The following HEATR1 variants were observed in gnomAD, a reference collection of about 807,000 sequenced individuals.
HEATR1 encodes HEAT repeat containing 1, also known as HEAT repeat-containing protein 1.
Under a neutral mutation model 248.2 loss-of-function variants are expected in HEATR1, and 77 were observed. That is an observed-to-expected ratio of 0.31 (90% CI 0.26 to 0.37). The LOEUF (loss-of-function observed/expected upper bound fraction) is 0.37, where lower values mean the gene tolerates loss of function less well. Ranked by LOEUF, HEATR1 falls within the 10% of genes least tolerant of loss-of-function variation. The probability of loss-of-function intolerance (pLI) is 1.00; values close to 1 mark genes in which losing one functional copy is unlikely to be tolerated. For synonymous variants in HEATR1, 897 were observed against 923.1 expected, an observed-to-expected ratio of 0.97 and a Z score of 0.51; for missense variants, 2,420 against 2,504.9, an observed-to-expected ratio of 0.97 and a Z score of 0.72.
Position 236,595,975 on chromosome 1 carries a change from C to T in HEATR1, c.814G>A (p.Val272Met). The T allele has an allele frequency of 1.2e-6, 2 of 1,613,844 alleles. No homozygotes were observed. Among genetic ancestry groups the T allele is most frequent in the Non-Finnish European group, 1.7e-6 (2 of 1,179,822 alleles). The change falls in exon 7 of 45, where the codon GTG becomes ATG. Residue 272 changes from valine to methionine, a missense_variant. By Grantham distance (21) the Val-to-Met change is conservative. Transcript: ENST00000366582. ...YMIICQISVK[V>M]TMENTFVNSL... Reference sequence around the variant, plus strand: ...TTCACAAAGGTATTTTCCATGGTCACTTTCACAGAAATCTGACATATTATC... The same window carrying T: ...TTCACAAAGGTATTTTCCATGGTCATTTTCACAGAAATCTGACATATTATC...
chr1:236,555,062 G>A (rs1031151719), intron 41 of HEATR1, among the ~76,000 whole-genome samples: 2 of 152,204 alleles, frequency 1.3e-5, no homozygotes, highest in Non-Finnish European at 2.9e-5. Flanking sequence ...GTAACTGACA[G>A]TAACGGCCAT....
intron 29 of HEATR1, among the ~76,000 whole-genome samples, chr1:236,568,208 A>G (rs1260579177): frequency 1.3e-5 from 2 of 152,196 alleles, no homozygotes; most frequent in African/African-American, 4.8e-5. Context: ...TGGCCCATAT[A>G]GACTTTCCCC....
chr1:236,592,393 C>T, intron 10 of HEATR1, 130 bp downstream of exon 10: 1 of 608,818 alleles, frequency 1.6e-6, no homozygotes, highest in Non-Finnish European at 3.0e-6. Flanking sequence ...GATACTCGCC[C>T]CTTCTTGAAG....
intron 39 of HEATR1, 68 bp downstream of exon 39, chr1:236,555,737 G>C: frequency 1.2e-6 from 2 of 1,606,758 alleles, no homozygotes; most frequent in Non-Finnish European, 1.7e-6. Context: ...TACACGGCTA[G>C]ATTGTTCTCG....
intron 28 of HEATR1, among the ~76,000 whole-genome samples, chr1:236,569,919 C>T (rs1004187718): frequency 2.6e-5 from 4 of 152,208 alleles, no homozygotes; most frequent in Non-Finnish European, 4.4e-5. Context: ...CAAAATGTGG[C>T]ATACACATAC....
intron 32 of HEATR1, among the ~76,000 whole-genome samples, chr1:236,563,189 T>C (rs1012698975): frequency 3.3e-5 from 5 of 152,256 alleles, no homozygotes; most frequent in Non-Finnish European, 5.9e-5. Flanking sequence ...TTAGGTATGA[T>C]ATAAACCACA....
intron 30 of HEATR1, 58 bp downstream of exon 30, chr1:236,566,588 T>A: frequency 8.1e-7 from 1 of 1,238,942 alleles, no homozygotes. Flanking sequence ...CTGGACAATA[T>A]CATAAAATCT....
At chr1:236,561,066 C>G (rs551350813) in intron 33 of HEATR1, among the ~76,000 whole-genome samples, 159 bp downstream of exon 33, 1 of 152,236 alleles carries the variant, frequency 6.6e-6, no homozygotes, top group Non-Finnish European at 1.5e-5. Flanking sequence ...AGAAAAAACC[C>G]TACATAGGGA....
chr1:236,585,908 C>T lies in HEATR1; in HGVS notation c.1961G>A (p.Gly654Glu). 1.2e-6 allele frequency: 2 copies of T among 1,613,424 alleles called. No homozygotes were observed. Among genetic ancestry groups the T allele is most frequent in the Non-Finnish European group, 1.7e-6 (2 of 1,179,598 alleles). Residue 654 changes from glycine (G) to glutamate (E), a missense_variant, in exon 16 of 45, where the codon GGA (glycine) becomes GAA (glutamate). Gly to Glu is a moderately conservative substitution (Grantham distance 98). Coordinates refer to ENST00000366582, the MANE Select transcript of HEATR1 (RefSeq NM_018072.6). ...CTGATTTGCTACACCGATTAGTTTT[C>T]CTGGCTTTGTGCTTTTAATTACATT... ...LENVIKSTKP[G>E]KLIGVANQKM...
chr1:236,576,160 G>A, intron 22 of HEATR1, 59 bp downstream of exon 22: 1 of 1,339,262 alleles, frequency 7.5e-7, no homozygotes, highest in Non-Finnish European at 1.0e-6. Context: ...CCCACAAGCA[G>A]TTACAACAAT....
intron 15 of HEATR1, 43 bp downstream of exon 15, chr1:236,586,198 G>T: frequency 6.8e-7 from 1 of 1,466,976 alleles, no homozygotes; most frequent in Non-Finnish European, 9.4e-7. Flanking sequence ...TTTCTTTTGT[G>T]TTATCTGTTC....
chr1:236,581,151 A>G (rs1461175215), intron 20 of HEATR1, 71 bp downstream of exon 20: 5 of 1,316,058 alleles, frequency 3.8e-6, no homozygotes, highest in African/African-American at 1.5e-5. Flanking sequence ...AATTTTCCAA[A>G]CTACATAAAC....
At chr1:236,585,684 G>T in intron 16 of HEATR1, 136 bp downstream of exon 16, 1 of 687,646 alleles carries the variant, frequency 1.5e-6, no homozygotes, top group Non-Finnish European at 2.4e-6. Flanking sequence ...AAACAACACT[G>T]CAACGTTTAA....
In HEATR1 at chr1:236,558,365, C is replaced by T. The variant is rs1663033441; in HGVS notation, c.5076G>A (p.Val1692=). 1 of 1,614,180 alleles carries T rather than the reference C, an allele frequency of 6.2e-7. No individual in the cohort carries two copies. The highest frequency in any genetic ancestry group is 1.3e-5 in the African/African-American group (1 of 75,036). Reference sequence around the variant, plus strand: ...CAATCAGTTTCACAGCAGTGTTCAGCACTGGGACAAAAGGATCTGGATTTT... The same window carrying T: ...CAATCAGTTTCACAGCAGTGTTCAGTACTGGGACAAAAGGATCTGGATTTT... ...GAENPDPFVP[V]LNTAVKLIAP... The change falls in exon 36 of 45, where the codon GTG becomes GTA. Residue 1692 remains valine, a synonymous_variant. Coordinates refer to ENST00000366582, the MANE Select transcript of HEATR1 (RefSeq NM_018072.6).
chr1:236,572,023 C>A (rs1368174660), intron 26 of HEATR1, among the ~76,000 whole-genome samples: 1 of 152,030 alleles, frequency 6.6e-6, no homozygotes, highest in African/African-American at 2.4e-5. Context: ...CACACATACA[C>A]AAATCTACGT....
rs146288278 is a variant in HEATR1, at chr1:236,572,416, T to C, written c.3702A>G (p.Leu1234=). 2.6e-5 allele frequency: 42 copies of C among 1,614,064 alleles called. No individual in the cohort carries two copies. Among genetic ancestry groups the C allele is most frequent in the South Asian group, 1.5e-4 (14 of 91,076 alleles). The change falls in exon 26 of 45, where the codon CTA becomes CTG. Residue 1234 remains leucine, a synonymous_variant. Coordinates refer to ENST00000366582, the MANE Select transcript of HEATR1 (RefSeq NM_018072.6). The part of the protein sequence containing the change: ...QILVPTLFNL[L]SRCLEPLPQE... ...TCAAAGCCAAGTGTCATTACCTTGA[T>C]AGCAAGTTAAAAAGAGTTGGCACCA...
Position 236,592,127 on chromosome 1 carries a change from A to G in HEATR1, c.1305-17T>C, listed in dbSNP as rs2794759. On this transcript the variant is annotated splice_polypyrimidine_tract_variant and intron_variant, in intron 10 of 44. Transcript: ENST00000366582. ...CTGGGGTATCTGGGAAGCAATTAAA[A>G]AGTGAATTCATTATTCTTAATAAAT... 0.69 allele frequency: 887,562 copies of G among 1,289,418 alleles called. 310,084 individuals are homozygous for G. Among genetic ancestry groups the G allele is most frequent in the Non-Finnish European group, 0.72 (649,000 of 898,790 alleles). The allele number at this position is 1,289,418 out of a possible 1,614,324, so 79.9% of individuals were successfully genotyped here.
intron 3 of HEATR1, chr1:236,602,910 A>T: frequency 7.6e-6 from 3 of 395,190 alleles, no homozygotes; most frequent in Non-Finnish European, 1.4e-5. Context: ...AGTGCCCAGC[A>T]AGACTCTATC....
intron 10 of HEATR1, 103 bp downstream of exon 10, chr1:236,592,420 A>G: frequency 3.2e-6 from 2 of 630,018 alleles, no homozygotes; most frequent in Non-Finnish European, 5.7e-6. Context: ...TTTAAAAAGG[A>G]CAGTCTCTGT....
Sources: allele counts gnomAD v4.1 joint callset (sites outside exome capture counted in the v4.1 genomes callset), GRCh38; gene constraint gnomAD v4.1.1; transcripts MANE v1.5; gene names NCBI Gene and HGNC (gene_info 2026-07-23, HGNC 2026-07-21).